The following PCDH15 variants were observed in gnomAD, a reference collection of about 807,000 sequenced individuals.
PCDH15 encodes the protein protocadherin-15.
PCDH15 carries 129 observed loss-of-function variants against 178.5 expected under a neutral mutation model. The observed-to-expected ratio is 0.72, with a 90% CI of 0.63 to 0.84. The LOEUF (loss-of-function observed/expected upper bound fraction) is 0.84. PCDH15 is among the 40% of genes least tolerant of loss of function. The pLI is 0.00. For missense variants in PCDH15, 2,230 were observed against 2,099.9 expected (o/e 1.06, Z -1.21); for synonymous variants, 800 against 732.0 (o/e 1.09, Z -1.50).
Position 54,025,689 on chromosome 10 carries a change from G to A in PCDH15, c.2221-2492C>T, listed in dbSNP as rs191903188. 7.5e-4 allele frequency among the ~76,000 whole-genome samples: 114 copies of A among 152,080 alleles called. No individual in the cohort carries two copies. In the South Asian group the frequency reaches 0.011, roughly 14 times the overall value. On this transcript the variant is annotated intron_variant, in intron 18 of 37. Coordinates refer to ENST00000644397, the MANE Select transcript of PCDH15 (RefSeq NM_001384140.1). ...AATTTTTGCATTTTTAGTAGAGACC[G>A]GGTTTCACCATGTTGGTCAGGCTGG...
chr10:54,088,269 T>C (rs2094546120), intron 16 of PCDH15, among the ~76,000 whole-genome samples: 1 of 152,162 alleles, frequency 6.6e-6, no homozygotes, highest in South Asian at 2.1e-4. Context: ...TCAAATCTCT[T>C]TACAGTTTTA....
intron 2 of PCDH15, among the ~76,000 whole-genome samples, chr10:55,133,546 C>T (rs1838109869): frequency 6.6e-6 from 1 of 152,108 alleles, no homozygotes; most frequent in African/African-American, 2.4e-5. Flanking sequence ...TGATGAACCT[C>T]TATTGTACAT....
At chr10:55,118,973 G>A (rs1364382379) in intron 2 of PCDH15, among the ~76,000 whole-genome samples, 1 of 152,100 alleles carries the variant, frequency 6.6e-6, no homozygotes, top group Non-Finnish European at 1.5e-5. Flanking sequence ...CCTTACTGAT[G>A]TCTTGCGGTT....
At chr10:54,675,342 A>G (rs1289862621) in intron 1 of PCDH15, among the ~76,000 whole-genome samples, 1 of 151,880 alleles carries the variant, frequency 6.6e-6, no homozygotes, top group Non-Finnish European at 1.5e-5. Context: ...CTACTTATTA[A>G]TTTTCCAAAA....
At chr10:54,322,991 A>G (rs2061705130) in intron 7 of PCDH15, among the ~76,000 whole-genome samples, 1 of 152,182 alleles carries the variant, frequency 6.6e-6, no homozygotes, top group Admixed American at 6.6e-5. Flanking sequence ...TTCAGAATCT[A>G]TAAGGAACTT....
chr10:54,498,707 AT>A (rs2080357782), intron 3 of PCDH15, among the ~76,000 whole-genome samples: 1 of 152,200 alleles, frequency 6.6e-6, no homozygotes, highest in Non-Finnish European at 1.5e-5. Flanking sequence ...ACATTACATA[AT>A]GATAAAAGAT....
At chr10:54,274,616 T>TTGTG (rs3069673) in intron 8 of PCDH15, among the ~76,000 whole-genome samples, 2,893 of 144,700 alleles carry the variant, frequency 0.02, 38 homozygotes, top group Middle Eastern at 0.032. Context: ...CTCAGTTTAA[T>TTGTG]TGTGTGTGTG....
At chr10:54,808,454 G>A (rs1431807470) in intron 3 of PCDH15, among the ~76,000 whole-genome samples, 1 of 152,174 alleles carries the variant, frequency 6.6e-6, no homozygotes, top group Non-Finnish European at 1.5e-5. Flanking sequence ...TGAAATCAGC[G>A]AAGAGGTGTT....
intron 1 of PCDH15, among the ~76,000 whole-genome samples, chr10:55,298,996 G>T (rs879748560): frequency 6.6e-6 from 1 of 152,070 alleles, no homozygotes; most frequent in Non-Finnish European, 1.5e-5. Flanking sequence ...AATCTCTTTT[G>T]GACTGCAATG....
At chr10:54,403,396 T>G (rs1340957838) in intron 3 of PCDH15, among the ~76,000 whole-genome samples, 12 of 152,018 alleles carry the variant, frequency 7.9e-5, no homozygotes, top group Admixed American at 7.2e-4. Flanking sequence ...TCAACACACA[T>G]TCATGTCAAA....
At chr10:54,398,740 T>C (rs1403523236) in intron 3 of PCDH15, among the ~76,000 whole-genome samples, 2 of 151,758 alleles carry the variant, frequency 1.3e-5, no homozygotes, top group African/African-American at 4.8e-5. Flanking sequence ...TTGTTTTAAA[T>C]CAGAAAAAAA....
chr10:53,889,559 C>A (rs2133458846), intron 26 of PCDH15, among the ~76,000 whole-genome samples: 1 of 151,882 alleles, frequency 6.6e-6, no homozygotes, highest in East Asian at 1.9e-4. Context: ...CAGACAAAAT[C>A]AAATTGTGAA....
intron 2 of PCDH15, among the ~76,000 whole-genome samples, chr10:55,352,338 T>C (rs1205486172): frequency 6.6e-6 from 1 of 152,150 alleles, no homozygotes; most frequent in Non-Finnish European, 1.5e-5. Flanking sequence ...AAAAACGGGT[T>C]GTAAAGCAGC....
At chr10:55,099,205 G>A (rs1314829087) in intron 2 of PCDH15, among the ~76,000 whole-genome samples, 4 of 152,054 alleles carry the variant, frequency 2.6e-5, no homozygotes, top group African/African-American at 9.7e-5. Flanking sequence ...TAGAAAATGT[G>A]CTACACATAG....
At chr10:54,091,571 A>G (rs1484986609) in intron 15 of PCDH15, among the ~76,000 whole-genome samples, 1 of 152,236 alleles carries the variant, frequency 6.6e-6, no homozygotes, top group Non-Finnish European at 1.5e-5. Flanking sequence ...TTGGACCACA[A>G]AAACTACAGA....
At chr10:54,146,872 A>G (rs1326411117) in intron 14 of PCDH15, among the ~76,000 whole-genome samples, 1 of 145,436 alleles carries the variant, frequency 6.9e-6, no homozygotes, top group East Asian at 2.0e-4. Flanking sequence ...AAAAAAAATC[A>G]CTATATATAT....
Position 54,195,973 on chromosome 10 carries a change from G to T in PCDH15, c.1099-84C>A. 3.2e-6 allele frequency: 4 copies of T among 1,247,466 alleles called. No individual in the cohort carries two copies. The South Asian group carries it at 3.9e-5, about 12-fold the overall frequency. The allele number at this position is 1,247,466 out of a possible 1,614,324, so 77.3% of individuals were successfully genotyped here. A position where few individuals can be genotyped will look rare whatever the true frequency, so the allele number is the denominator to read the frequency against. ...GTTTCACTTTTCATGCAATATATAG[G>T]GTTCTCTTTTTAACTAATATCATCA... is the stretch of plus-strand genomic sequence containing the variant. On this transcript the variant is annotated intron_variant, in intron 10 of 37. Transcript: ENST00000644397.
chr10:53,976,310 G>T (rs182957798), intron 21 of PCDH15, among the ~76,000 whole-genome samples: 1 of 151,924 alleles, frequency 6.6e-6, no homozygotes, highest in African/African-American at 2.4e-5. Context: ...CATTTAACAC[G>T]TTCACTAAAT....
intron 3 of PCDH15, among the ~76,000 whole-genome samples, chr10:54,413,695 A>T (rs1953897875): frequency 6.6e-6 from 1 of 152,178 alleles, no homozygotes; most frequent in East Asian, 1.9e-4. Flanking sequence ...TAACTTTCTT[A>T]TATTTCATCA....
Sources: allele counts gnomAD v4.1 joint callset (sites outside exome capture counted in the v4.1 genomes callset), GRCh38; gene constraint gnomAD v4.1.1; transcripts MANE v1.5; gene names NCBI Gene and HGNC (gene_info 2026-07-23, HGNC 2026-07-21).